KCNIP3: variants seen among roughly 807,000 people sequenced by gnomAD.
The protein encoded by KCNIP3 is calsenilin.
Under a neutral mutation model 35.0 loss-of-function variants are expected in KCNIP3, and 28 were observed. The ratio of observed to expected loss-of-function variants is 0.80; its 90% CI spans 0.59 to 1.10. The LOEUF is 1.10. Among genes scored for constraint, KCNIP3 ranks in the 50% least tolerant of loss-of-function variants. The probability of loss-of-function intolerance (pLI) is 0.00; values close to 1 mark genes in which losing one functional copy is unlikely to be tolerated. For missense variants in KCNIP3, 295 were observed against 338.4 expected, an observed-to-expected ratio of 0.87 and a Z score of 1.01; for synonymous variants, 134 against 133.8, an observed-to-expected ratio of 1.00 and a Z score of -0.01.
At chr2:95,348,578 C>T (rs568461074) in intron 2 of KCNIP3, among the ~76,000 whole-genome samples, 1 of 152,334 alleles carries the variant, frequency 6.6e-6, no homozygotes, top group African/African-American at 2.4e-5. Context: ...TCAGACCTTC[C>T]TAACAGCGGG....
intron 2 of KCNIP3, among the ~76,000 whole-genome samples, chr2:95,320,748 AG>A (rs1279501494): frequency 8.0e-4 from 122 of 152,126 alleles, no homozygotes; most frequent in Non-Finnish European, 3.1e-4. Context: ...CCCAAACTCC[AG>A]GGGACACATT....
chr2:95,332,772 G>A (rs1678963665), intron 2 of KCNIP3, among the ~76,000 whole-genome samples: 1 of 152,140 alleles, frequency 6.6e-6, no homozygotes, highest in Non-Finnish European at 1.5e-5. Context: ...GACAACATGG[G>A]GGTGGTGAAG....
intron 2 of KCNIP3, among the ~76,000 whole-genome samples, chr2:95,330,160 C>T (rs1394955301): frequency 1.2e-4 from 18 of 152,220 alleles, no homozygotes; most frequent in African/African-American, 3.9e-4. Context: ...CTGGCCGCGG[C>T]TCCCCAGGGT....
intron 2 of KCNIP3, among the ~76,000 whole-genome samples, chr2:95,325,550 C>T (rs148376413): frequency 0.011 from 1,741 of 152,110 alleles, 40 homozygotes; most frequent in African/African-American, 0.04. Flanking sequence ...AGGCAAGATG[C>T]CCAGAGCAGG....
At chr2:95,325,022 A>T (rs1573490863) in intron 2 of KCNIP3, among the ~76,000 whole-genome samples, 1 of 152,094 alleles carries the variant, frequency 6.6e-6, no homozygotes, top group Non-Finnish European at 1.5e-5. Flanking sequence ...CTGGGCTGGG[A>T]GGTAGAAGGG....
In KCNIP3 at chr2:95,384,169, TACACACACACACACAC is replaced by T. The variant is rs58903840; in HGVS notation, c.*142_*157del. On this transcript the variant is annotated 3_prime_UTR_variant, in exon 9 of 9. Coordinates refer to ENST00000295225, the MANE Select transcript of KCNIP3 (RefSeq NM_013434.5). ...GATTTGCAAAAAGTGAACAGATTGC[TACACACACACACACAC>T]ACACACACACACACACACACAGCCA... 10 of 513,308 alleles carry T rather than the reference TACACACACACACACAC, an allele frequency of 1.9e-5. No individual in the cohort carries two copies. Among genetic ancestry groups the T allele is most frequent in the African/African-American group, 1.2e-4 (6 of 50,582 alleles). The allele number at this position is 513,308 out of a possible 1,614,324, so 31.8% of individuals were successfully genotyped here. A position where few individuals can be genotyped will look rare whatever the true frequency, so the allele number is the denominator to read the frequency against.
chr2:95,297,831 G>T (rs561329137), intron 1 of KCNIP3, among the ~76,000 whole-genome samples: 4 of 152,168 alleles, frequency 2.6e-5, no homozygotes, highest in Non-Finnish European at 4.4e-5. Context: ...AGGTGCCAGC[G>T]TGGCTGACAC....
Position 95,377,993 on chromosome 2 carries a change from C to T in KCNIP3, c.447+2785C>T, listed in dbSNP as rs796238184. Among the ~76,000 whole-genome samples the T allele has an allele frequency of 2.0e-5, 3 of 152,298 alleles. No individual in the cohort carries two copies. Among genetic ancestry groups the T allele is most frequent in the African/African-American group, 7.2e-5 (3 of 41,558 alleles). On this transcript the variant is annotated intron_variant, in intron 5 of 8. Transcript: ENST00000295225. The surrounding 1 kb of genome is among the most constrained non-coding windows in gnomAD (Gnocchi z 4.7). ...CGGTGTGCTCCACGCCTTTGCTACCCACTAGGAAGGCCTGTCTGACCCAGG... is the reference window on the plus strand; with the variant it reads ...CGGTGTGCTCCACGCCTTTGCTACCTACTAGGAAGGCCTGTCTGACCCAGG...
chr2:95,314,240 G>A (rs1455400609), intron 2 of KCNIP3, among the ~76,000 whole-genome samples: 4 of 152,148 alleles, frequency 2.6e-5, no homozygotes, highest in South Asian at 2.1e-4. Context: ...GAATTTTCGC[G>A]TATTTGAAGA....
intron 5 of KCNIP3, among the ~76,000 whole-genome samples, chr2:95,381,355 A>G (rs1200002264): frequency 1.3e-5 from 2 of 151,604 alleles, no homozygotes; most frequent in East Asian, 3.9e-4. Context: ...GCACACCCTC[A>G]CACAAGTTCT....
At position 95,384,547 on chromosome 2, in the gene KCNIP3, C is replaced by G. The variant is rs1485724161; in HGVS notation, c.*498C>G. 1 of 157,644 alleles carries G rather than the reference C, an allele frequency of 6.3e-6. No individual in the cohort carries two copies. Among genetic ancestry groups the G allele is most frequent in the African/African-American group, 2.4e-5 (1 of 41,626 alleles). The allele number at this position is 157,644 out of a possible 1,614,324, so 9.8% of individuals were successfully genotyped here. On this transcript the variant is annotated 3_prime_UTR_variant, in exon 9 of 9. Coordinates refer to ENST00000295225, the MANE Select transcript of KCNIP3 (RefSeq NM_013434.5). ...CTACCTATGCTTCTAGAAAGCCCCT[C>G]ACCTCAGGACCCCAGAGGGACCAGC... is the stretch of plus-strand genomic sequence containing the variant.
chr2:95,300,428 G>C (rs1326360711), intron 1 of KCNIP3, among the ~76,000 whole-genome samples: 1 of 152,148 alleles, frequency 6.6e-6, no homozygotes, highest in Non-Finnish European at 1.5e-5. Context: ...CCACCCCTGG[G>C]CATCCCAGTG....
intron 2 of KCNIP3, among the ~76,000 whole-genome samples, chr2:95,329,587 C>T (rs1394829436): frequency 6.6e-6 from 1 of 152,250 alleles, no homozygotes; most frequent in Non-Finnish European, 1.5e-5. Flanking sequence ...GGCACCTGCA[C>T]CGCTGGGGCT....
intron 2 of KCNIP3, among the ~76,000 whole-genome samples, chr2:95,342,163 C>A (rs1013261074): frequency 6.6e-6 from 1 of 152,034 alleles, no homozygotes; most frequent in African/African-American, 2.4e-5. Flanking sequence ...CACAGCCACA[C>A]GAGAAAGAGA....
intron 1 of KCNIP3, chr2:95,302,953 T>C: frequency 6.5e-6 from 1 of 152,736 alleles, no homozygotes; most frequent in East Asian, 1.9e-4. Context: ...TGCCCATGCA[T>C]GTACTCCTAG....
rs184432156 is a variant in KCNIP3, at chr2:95,314,743, G to A, written c.181+4223G>A. On this transcript the variant is annotated intron_variant, in intron 2 of 8. Transcript: ENST00000295225. ...CAGAACCCCTGCTGCCTCCTGCTGG[G>A]GACCCATTCTCCCATGGGAATTTAA... Among the ~76,000 whole-genome samples, 661 of 152,350 alleles carry A rather than the reference G, an allele frequency of 4.3e-3. 3 individuals carry two copies. Among genetic ancestry groups the A allele is most frequent in the Middle Eastern group, 0.01 (3 of 294 alleles).
chr2:95,344,915 G>C (rs534731978), intron 2 of KCNIP3, among the ~76,000 whole-genome samples: 9 of 152,334 alleles, frequency 5.9e-5, no homozygotes, highest in Admixed American at 4.6e-4. Context: ...GGCACTACCT[G>C]GGCACAGGCT....
intron 2 of KCNIP3, among the ~76,000 whole-genome samples, chr2:95,331,504 A>G (rs1413701869): frequency 2.0e-5 from 3 of 152,146 alleles, no homozygotes; most frequent in Non-Finnish European, 4.4e-5. Flanking sequence ...ATCAGCACAT[A>G]GACGGATTTG....
Position 95,384,652 on chromosome 2 carries a change from C to T in KCNIP3, c.*603C>T, listed in dbSNP as rs1053510833. On this transcript the variant is annotated 3_prime_UTR_variant, in exon 9 of 9. Coordinates refer to ENST00000295225, the MANE Select transcript of KCNIP3 (RefSeq NM_013434.5). ...ATTCTTCCCTGGGGGTCCCAGGATC[C>T]CCTGCTACTCCACTGACCTGGAAGA... 3.3e-5 allele frequency: 5 copies of T among 152,996 alleles called. No homozygotes were observed. The highest frequency in any genetic ancestry group is 5.8e-5 in the Non-Finnish European group (4 of 68,646). 9.5% of individuals were successfully genotyped at this position (152,996 alleles called of 1,614,324 possible).
Sources: allele counts gnomAD v4.1 joint callset (sites outside exome capture counted in the v4.1 genomes callset), GRCh38; gene constraint gnomAD v4.1.1; non-coding constraint Gnocchi (gnomAD v3.1); transcripts MANE v1.5; gene names NCBI Gene and HGNC (gene_info 2026-07-23, HGNC 2026-07-21).